Variants in DCHS1 observed in about 807,000 individuals in gnomAD.
The protein encoded by DCHS1 is dachsous cadherin-related 1, also known as protocadherin-16.
Under a neutral mutation model 213.9 loss-of-function variants are expected in DCHS1, and 78 were observed. That is an observed-to-expected ratio of 0.36 (90% CI 0.30 to 0.44). The LOEUF (loss-of-function observed/expected upper bound fraction) is 0.44. DCHS1 is among the 20% of genes least tolerant of loss of function. The pLI is 1.00. For missense variants in DCHS1, 3,946 were observed against 4,395.9 expected (o/e 0.90, Z 2.89); for synonymous variants, 1,828 against 1,873.7 (o/e 0.98, Z 0.63).
chr11:6,629,971 C>T lies in DCHS1; in HGVS notation c.4795+28G>A, dbSNP rs377386896. 425 of 1,589,902 alleles carry T rather than the reference C, an allele frequency of 2.7e-4. 1 individual carries two copies. Among genetic ancestry groups the T allele is most frequent in the Non-Finnish European group, 3.3e-4 (387 of 1,164,414 alleles). On this transcript the variant is annotated intron_variant, in intron 10 of 20. Coordinates refer to ENST00000299441, the MANE Select transcript of DCHS1 (RefSeq NM_003737.4). ...CAACACTCCACATCAGCACCTTCCT[C>T]GCCCTCACTCCCAGACCTAACTCTC...
intron 2 of DCHS1, among the ~76,000 whole-genome samples, chr11:6,638,706 CTCTTT>C (rs1446414914): frequency 6.6e-6 from 1 of 152,232 alleles, no homozygotes; most frequent in African/African-American, 2.4e-5. Flanking sequence ...ACAGGATTGT[CTCTTT>C]TCTTTGTTCT....
chr11:6,630,117 C>A lies in DCHS1; in HGVS notation c.4677G>T (p.Pro1559=), dbSNP rs1195309870. The A allele has an allele frequency of 6.2e-7, 1 of 1,604,240 alleles. No homozygotes were observed. The highest frequency in any genetic ancestry group is 8.5e-7 in the Non-Finnish European group (1 of 1,174,418). Reference sequence around the variant, plus strand: ...CCACGTGCAGGGCCGCGGGCCCAGGCGGCTGGTCCTCTGGGAGGCGCACGC... The same window carrying A: ...CCACGTGCAGGGCCGCGGGCCCAGGAGGCTGGTCCTCTGGGAGGCGCACGC... ...PSRVRLPEDQ[P]PGPAALHVVA... is the part of the protein sequence containing the mutation. Residue 1559 remains proline, a synonymous_variant, in exon 10 of 21, where the codon CCG becomes CCT. Transcript: ENST00000299441.
intron 1 of DCHS1, among the ~76,000 whole-genome samples, chr11:6,644,947 C>T (rs762901535): frequency 1.3e-5 from 2 of 152,244 alleles, no homozygotes; most frequent in African/African-American, 4.8e-5. Context: ...TTCTGACCCA[C>T]CTCCTCTCTC....
chr11:6,626,005 C>A lies in DCHS1; in HGVS notation c.6646G>T (p.Ala2216Ser), dbSNP rs1487031323. The change falls in exon 17 of 21, where the codon GCA becomes TCA. Residue 2216 changes from alanine (A) to serine (S), a missense_variant. By Grantham distance (99) the Ala-to-Ser change is moderately conservative (BLOSUM62 1). This residue lies in a region of DCHS1 where 3,384 missense variants were observed against 3,780.1 expected (regional missense o/e 0.90). Transcript: ENST00000299441. This position sits in a 1 kb window ranked among gnomAD's most constrained non-coding sequence, Gnocchi z 5.2. ...GGGTCTACGTGGAACAATCCACGTG[C>A]CGGCTGGGATGCAGCCAGACTGTAG... Reference protein sequence around the residue: ...ISYSLAASQPARGLFHVDPTT... With the variant: ...ISYSLAASQPSRGLFHVDPTT... The A allele has an allele frequency of 1.9e-6, 3 of 1,612,922 alleles. No homozygotes were observed. Among genetic ancestry groups the A allele is most frequent in the Non-Finnish European group, 2.5e-6 (3 of 1,179,448 alleles).
At position 6,628,114 on chromosome 11, in the gene DCHS1, T is replaced by G. The variant is rs1218645099; in HGVS notation, c.5372-447A>C. Among the ~76,000 whole-genome samples the G allele has an allele frequency of 6.6e-6, 1 of 152,258 alleles. No homozygotes were observed. Among genetic ancestry groups the G allele is most frequent in the Non-Finnish European group, 1.5e-5 (1 of 68,038 alleles). Reference sequence around the variant, plus strand: ...TCAGAGATTCAGTTTGTTCTGGCTATCTTCAATTATACCTGCTTTAATCTC... The same window carrying G: ...TCAGAGATTCAGTTTGTTCTGGCTAGCTTCAATTATACCTGCTTTAATCTC... On this transcript the variant is annotated intron_variant, in intron 13 of 20. Transcript: ENST00000299441. This position sits in a 1 kb window ranked among gnomAD's most constrained non-coding sequence, Gnocchi z 4.3.
chr11:6,622,367 T>C lies in DCHS1; in HGVS notation c.9309A>G (p.Gly3103=). Residue 3103 remains glycine (G), a synonymous_variant, in exon 21 of 21, where the codon GGA becomes GGG. Coordinates refer to ENST00000299441, the MANE Select transcript of DCHS1 (RefSeq NM_003737.4). This position sits in a 1 kb window ranked among gnomAD's most constrained non-coding sequence, Gnocchi z 5.4. ...RKAGLLLPGA[G]ATLYREEGPP... is the part of the protein sequence containing the mutation. ...GCCCCTCCTCTCTGTAGAGAGTGGC[T>C]CCTGCACCTGGCAGCAGCAGCCCTG... 6 of 1,575,344 alleles carry C rather than the reference T, an allele frequency of 3.8e-6. No homozygotes were observed. The highest frequency in any genetic ancestry group is 5.2e-6 in the Non-Finnish European group (6 of 1,160,386).
chr11:6,629,693 G>C lies in DCHS1; in HGVS notation c.5014C>G (p.Arg1672Gly). ...TTACCCACGTCGGGGTCGGTTGCTC[G>C]CAGGGTGAGCAGAGATGTGCCAGGA... ...NPPGTSLLTL[R>G]ATDPDVGANG... The change falls in exon 11 of 21, where the codon CGA becomes GGA. Residue 1672 changes from arginine to glycine, a missense_variant. Around this residue, in one of 3 missense-constraint regions of DCHS1, gnomAD observed 3,384 missense variants for 3,780.1 expected, o/e 0.90. Transcript: ENST00000299441. 1 of 1,613,626 alleles carries C rather than the reference G, an allele frequency of 6.2e-7. No individual in the cohort carries two copies. The highest frequency in any genetic ancestry group is 1.7e-5 in the Admixed American group (1 of 59,970).
In DCHS1 at chr11:6,624,853, G is replaced by T; in HGVS notation, c.7162C>A (p.His2388Asn). The change falls in exon 20 of 21, where the codon CAC (histidine) becomes AAC (asparagine). Residue 2388 changes from histidine to asparagine, a missense_variant. Physicochemically the swap from His to Asn is moderately conservative, Grantham distance 68. Coordinates refer to ENST00000299441, the MANE Select transcript of DCHS1 (RefSeq NM_003737.4). ...AGAATGGCACTGCCTGGGGGTGTGT[G>T]CTCAAGCAGCATTACCTGAAGTGTG... Reference protein sequence around the residue: ...QSLYQVMLLEHTPPGSAILSV... With the variant: ...QSLYQVMLLENTPPGSAILSV... 1 of 1,613,834 alleles carries T rather than the reference G, an allele frequency of 6.2e-7. No homozygotes were observed. The highest frequency in any genetic ancestry group is 8.5e-7 in the Non-Finnish European group (1 of 1,179,830).
Position 6,640,376 on chromosome 11 carries a change from G to A in DCHS1, c.1238C>T (p.Ala413Val), listed in dbSNP as rs1252747919. The A allele has an allele frequency of 1.9e-6, 3 of 1,613,588 alleles. No homozygotes were observed. The highest frequency in any genetic ancestry group is 1.7e-6 in the Non-Finnish European group (2 of 1,179,682). ...VSLEGGEGHF[A>V]LSTQDSVIYL... is the part of the protein sequence containing the mutation. Reference sequence around the variant, plus strand: ...GATGACGCTGTCTTGGGTGCTTAGGGCAAAGTGGCCCTCTCCACCTTCCAG... The same window carrying A: ...GATGACGCTGTCTTGGGTGCTTAGGACAAAGTGGCCCTCTCCACCTTCCAG... The change falls in exon 2 of 21, where the codon GCC becomes GTC. Residue 413 changes from alanine to valine, a missense_variant. Ala to Val is a moderately conservative substitution (Grantham distance 64). This residue lies in a region of DCHS1 where 3,384 missense variants were observed against 3,780.1 expected (regional missense o/e 0.90). Transcript: ENST00000299441. The surrounding 1 kb of genome is among the most constrained non-coding windows in gnomAD (Gnocchi z 6.5).
In DCHS1 at chr11:6,632,085, T is replaced by A. The variant is rs1382558947; in HGVS notation, c.3427A>T (p.Ser1143Cys). The A allele has an allele frequency of 6.5e-7, 1 of 1,544,134 alleles. No homozygotes were observed. Among genetic ancestry groups the A allele is most frequent in the Admixed American group, 1.9e-5 (1 of 53,024 alleles). Residue 1143 changes from serine to cysteine, a missense_variant, in exon 6 of 21, where the codon AGC (serine) becomes TGC (cysteine). Ser to Cys is a moderately radical substitution (Grantham distance 112). Coordinates refer to ENST00000299441, the MANE Select transcript of DCHS1 (RefSeq NM_003737.4). The surrounding 1 kb of genome is among the most constrained non-coding windows in gnomAD (Gnocchi z 5.9). The stretch of plus-strand genomic sequence containing the variant: ...CTGTCTTCAGACAGCTGTTGCAGGC[T>A]GTAGGTCAGACGTCCATTGGGTCCT... The part of the protein sequence containing the change: ...DSGPNGRLTY[S>C]LQQLSEDSKA...
chr11:6,643,244 T>C (rs1856107781), intron 1 of DCHS1, among the ~76,000 whole-genome samples: 1 of 152,144 alleles, frequency 6.6e-6, no homozygotes, highest in South Asian at 2.1e-4. Flanking sequence ...AGACTGAAGA[T>C]GGGATGTAGT....
At chr11:6,649,631 A>G (rs1387790653) in intron 1 of DCHS1, among the ~76,000 whole-genome samples, 1 of 152,202 alleles carries the variant, frequency 6.6e-6, no homozygotes, top group Non-Finnish European at 1.5e-5. Context: ...CCCTAGAGAT[A>G]GAGGTGACGT....
At chr11:6,638,089 T>TA (rs1856013406) in intron 2 of DCHS1, among the ~76,000 whole-genome samples, 1 of 151,846 alleles carries the variant, frequency 6.6e-6, no homozygotes, top group South Asian at 2.1e-4. Context: ...AGAAGGAGAG[T>TA]AAACACGTGG....
At chr11:6,639,084 T>C (rs887495743) in intron 2 of DCHS1, among the ~76,000 whole-genome samples, 2 of 149,486 alleles carry the variant, frequency 1.3e-5, no homozygotes, top group Non-Finnish European at 3.0e-5. Context: ...CACTCCAGCC[T>C]GGGCAACAGA....
chr11:6,630,159 G>A lies in DCHS1; in HGVS notation c.4635C>T (p.Val1545=). ...GGCGCACGCGTGACGGCGAGGCGAA[G>A]ACAGGCGCGTTGTCATTCTCATCCG... The part of the protein sequence containing the change: ...FVTDENDNAP[V]FASPSRVRLP... The change falls in exon 10 of 21, where the codon GTC becomes GTT. Residue 1545 remains valine, a synonymous_variant. Transcript: ENST00000299441. 6.2e-7 allele frequency: 1 copy of A among 1,602,066 alleles called. No homozygotes were observed. The highest frequency in any genetic ancestry group is 8.5e-7 in the Non-Finnish European group (1 of 1,173,952).
At chr11:6,634,044 T>G in intron 3 of DCHS1, 24 bp from the exon 4 acceptor site, 1 of 1,610,750 alleles carries the variant, frequency 6.2e-7, no homozygotes, top group Middle Eastern at 1.7e-4. Context: ...CAGCCATAGG[T>G]CAGGTGGGCC....
chr11:6,625,064 C>A lies in DCHS1; in HGVS notation c.7146+134G>T. 1 of 1,404,002 alleles carries A rather than the reference C, an allele frequency of 7.1e-7. No individual in the cohort carries two copies. Among genetic ancestry groups the A allele is most frequent in the South Asian group, 1.4e-5 (1 of 71,908 alleles). The allele number at this position is 1,404,002 out of a possible 1,614,324, so 87.0% of individuals were successfully genotyped here. A position where few individuals can be genotyped will look rare whatever the true frequency, so the allele number is the denominator to read the frequency against. ...CAGGATGCAAAACCAGGATGTAGTT[C>A]ACAGGACTTGGGACCTTCCCATTCC... On this transcript the variant is annotated intron_variant, in intron 19 of 20. Transcript: ENST00000299441. This position sits in a 1 kb window ranked among gnomAD's most constrained non-coding sequence, Gnocchi z 5.3.
Position 6,655,551 on chromosome 11 carries a change from G to A in DCHS1, c.-121+12C>T, listed in dbSNP as rs1232894739. The A allele has an allele frequency of 9.2e-6, 9 of 980,950 alleles. No individual in the cohort carries two copies. The highest frequency in any genetic ancestry group is 9.7e-6 in the Non-Finnish European group (8 of 828,224). 60.8% of individuals were successfully genotyped at this position (980,950 alleles called of 1,614,324 possible). A position where few individuals can be genotyped will look rare whatever the true frequency, so the allele number is the denominator to read the frequency against. On this transcript the variant is annotated intron_variant, in intron 1 of 20. Coordinates refer to ENST00000299441, the MANE Select transcript of DCHS1 (RefSeq NM_003737.4). ...GCGCGGCCAGACGGGCCGGGCGGGC[G>A]CGGGCACTGACCTCCGCGCGACGCG...
At position 6,625,941 on chromosome 11, in the gene DCHS1, C is replaced by T. The variant is rs140245002; in HGVS notation, c.6710G>A (p.Arg2237His). The T allele has an allele frequency of 2.0e-4, 322 of 1,613,490 alleles. 1 individual carries two copies. The highest frequency in any genetic ancestry group is 1.5e-3 in the South Asian group (136 of 90,872). ...GTITTTAILD[R>H]EIWAETRLVL... ...TCACCGTGTTTCAGCCCAGATCTCA[C>T]GGTCCAGGATGGCTGTGGTAGTGAT... Residue 2237 changes from arginine (R) to histidine (H), a missense_variant, in exon 17 of 21, where the codon CGT becomes CAT. Arg to His is a conservative substitution (Grantham distance 29). Coordinates refer to ENST00000299441, the MANE Select transcript of DCHS1 (RefSeq NM_003737.4). This position sits in a 1 kb window ranked among gnomAD's most constrained non-coding sequence, Gnocchi z 5.3.
Sources: gnomAD v4.1 joint callset for allele counts (sites outside exome capture counted in the v4.1 genomes callset) on GRCh38, gnomAD v4.1.1 for gene constraint, gnomAD v4.1.1 regional missense constraint, Gnocchi (gnomAD v3.1) non-coding constraint, MANE v1.5 for transcripts, NCBI Gene and HGNC (gene_info 2026-07-23, HGNC 2026-07-21) for gene names.